The following MAU2 variants were observed in gnomAD, a reference collection of about 807,000 sequenced individuals.
MAU2 encodes MAU2 chromatid cohesion factor homolog.
MAU2 carries 9 observed loss-of-function variants against 89.1 expected under a neutral mutation model. That is an observed-to-expected ratio of 0.10 (90% CI 0.06 to 0.18). The LOEUF is 0.18. MAU2 is among the 10% of genes least tolerant of loss of function. The pLI, the probability that MAU2 is intolerant of heterozygous loss-of-function variation, is 1.00. For synonymous variants in MAU2, 357 were observed against 343.4 expected, an observed-to-expected ratio of 1.04 and a Z score of -0.44; for missense variants, 425 against 803.5, an observed-to-expected ratio of 0.53 and a Z score of 5.69.
In MAU2 at chr19:19,329,926, G is replaced by A. The variant is rs376841447; in HGVS notation, c.277-5792G>A. Reference sequence around the variant, plus strand: ...AGCCATGATTGCACCACTGCATTCCGGCCTGGGTGACAAAAACCCTGTCTT... The same window carrying A: ...AGCCATGATTGCACCACTGCATTCCAGCCTGGGTGACAAAAACCCTGTCTT... On this transcript the variant is annotated intron_variant, in intron 1 of 18. Coordinates refer to ENST00000262815, the MANE Select transcript of MAU2 (RefSeq NM_015329.4). 6.6e-5 allele frequency among the ~76,000 whole-genome samples: 10 copies of A among 151,888 alleles called. No homozygotes were observed. In the East Asian group the frequency reaches 9.7e-4, roughly 15 times the overall value.
At position 19,325,999 on chromosome 19, in the gene MAU2, AT is replaced by A. The variant is rs34191015; in HGVS notation, c.276+4883del. On this transcript the variant is annotated intron_variant, in intron 1 of 18. Coordinates refer to ENST00000262815, the MANE Select transcript of MAU2 (RefSeq NM_015329.4). ...AGTTTCTAATGGTCTCCTCAACTGC[AT>A]TTTTTTTTTTTTTTTTTTGAGACAG... Among the ~76,000 whole-genome samples, 612 of 117,210 alleles carry A rather than the reference AT, an allele frequency of 5.2e-3. 1 individual carries two copies. Among genetic ancestry groups the A allele is most frequent in the African/African-American group, 0.011 (326 of 30,812 alleles). 76.9% of individuals were successfully genotyped at this position (117,210 alleles called of 152,430 possible). A position where few individuals can be genotyped will look rare whatever the true frequency, so the allele number is the denominator to read the frequency against.
At chr19:19,336,262 T>A in intron 3 of MAU2, 75 bp downstream of exon 3, 4 of 1,167,048 alleles carry the variant, frequency 3.4e-6, no homozygotes, top group Non-Finnish European at 1.3e-6. Flanking sequence ...ATTGGTAAAT[T>A]GGGGTTCCGG....
intron 1 of MAU2, among the ~76,000 whole-genome samples, chr19:19,331,514 ATC>A (rs1188244080): frequency 6.6e-6 from 1 of 151,520 alleles, no homozygotes; most frequent in Non-Finnish European, 1.5e-5. Context: ...AAAAAAAAAA[ATC>A]ACGTAGATGA....
chr19:19,322,013 T>TTTTTTTTTTTTC (rs1286757776), intron 1 of MAU2: 40 of 151,894 alleles, frequency 2.6e-4, no homozygotes, highest in African/African-American at 9.4e-4. Context: ...TTTTTTTTTT[T>TTTTTTTTTTTTC]TTGAGACGGA....
chr19:19,331,152 T>G (rs1599895814), intron 1 of MAU2, among the ~76,000 whole-genome samples: 1 of 151,946 alleles, frequency 6.6e-6, no homozygotes, highest in East Asian at 1.9e-4. Flanking sequence ...CTTTGGCTGC[T>G]TTGCTATCAT....
intron 1 of MAU2, among the ~76,000 whole-genome samples, chr19:19,332,893 G>A (rs1599898485): frequency 3.3e-5 from 5 of 152,064 alleles, no homozygotes; most frequent in Admixed American, 2.0e-4. Context: ...CCTGACCAAC[G>A]TAGAGAAACC....
chr19:19,321,246 C>G (rs1379378477), intron 1 of MAU2, 111 bp downstream of exon 1: 5 of 1,269,886 alleles, frequency 3.9e-6, no homozygotes, highest in Non-Finnish European at 5.2e-6. Flanking sequence ...CCTGGGGGCG[C>G]GACCTCCGTC....
chr19:19,331,599 T>C (rs1483045169), intron 1 of MAU2, among the ~76,000 whole-genome samples: 4 of 151,952 alleles, frequency 2.6e-5, no homozygotes, highest in African/African-American at 9.7e-5. Flanking sequence ...TTTCCAAATA[T>C]ATGCTACAAG....
intron 17 of MAU2, 131 bp from the exon 18 acceptor site, chr19:19,355,133 G>A (rs935037313): frequency 8.3e-7 from 1 of 1,205,268 alleles, no homozygotes; most frequent in Admixed American, 2.2e-5. Context: ...CTCAGGTCCA[G>A]TGACGTGCCA....
chr19:19,322,558 C>T (rs1443016316), intron 1 of MAU2, among the ~76,000 whole-genome samples: 8 of 152,144 alleles, frequency 5.3e-5, no homozygotes, highest in African/African-American at 1.7e-4. Context: ...AGTGATCACG[C>T]CACTTCACTC....
chr19:19,342,587 T>A lies in MAU2; in HGVS notation c.788T>A (p.Ile263Asn). ...LKQLQQCIQT[I>N]STLHDDEILP... ...CAGCTGCAGCAGTGCATCCAGACCA[T>A]CTCCACACTGCACGATGATGAGATC... Residue 263 changes from isoleucine to asparagine, a missense_variant, in exon 8 of 19, where the codon ATC becomes AAC. Physicochemically the swap from Ile to Asn is moderately radical, Grantham distance 149. Around this residue, in one of 11 missense-constraint regions of MAU2, gnomAD observed 119 missense variants for 299.8 expected, o/e 0.40. Coordinates refer to ENST00000262815, the MANE Select transcript of MAU2 (RefSeq NM_015329.4). 1 of 1,612,340 alleles carries A rather than the reference T, an allele frequency of 6.2e-7. No homozygotes were observed. The highest frequency in any genetic ancestry group is 8.5e-7 in the Non-Finnish European group (1 of 1,179,124).
chr19:19,345,923 G>T lies in MAU2; in HGVS notation c.1221+554G>T, dbSNP rs182598815. On this transcript the variant is annotated intron_variant, in intron 12 of 18. Transcript: ENST00000262815. This position sits in a 1 kb window ranked among gnomAD's most constrained non-coding sequence, Gnocchi z 4.9. Reference sequence around the variant, plus strand: ...CGCCCCAGCCCAGGGCTGGACCATTGTGTCCCCACCTCAGCCTCAACCTCC... The same window carrying T: ...CGCCCCAGCCCAGGGCTGGACCATTTTGTCCCCACCTCAGCCTCAACCTCC... 6.6e-6 allele frequency among the ~76,000 whole-genome samples: 1 copy of T among 152,314 alleles called. No homozygotes were observed. The highest frequency in any genetic ancestry group is 1.9e-4 in the East Asian group (1 of 5,180).
chr19:19,356,876 G>A lies in MAU2; in HGVS notation c.*1094G>A, dbSNP rs1392692163. Reference sequence around the variant, plus strand: ...TCTTGGATAATCAGGAGGTGCCCCAGTGGTCACAGTGTGGCATTCCGAGTT... The same window carrying A: ...TCTTGGATAATCAGGAGGTGCCCCAATGGTCACAGTGTGGCATTCCGAGTT... On this transcript the variant is annotated 3_prime_UTR_variant, in exon 19 of 19. Transcript: ENST00000262815. 1.3e-5 allele frequency: 2 copies of A among 152,292 alleles called. No individual in the cohort carries two copies. The highest frequency in any genetic ancestry group is 2.9e-5 in the Non-Finnish European group (2 of 68,102). 9.4% of individuals were successfully genotyped at this position (152,292 alleles called of 1,614,324 possible).
At chr19:19,342,100 G>A (rs1458758696) in intron 7 of MAU2, among the ~76,000 whole-genome samples, 3 of 152,184 alleles carry the variant, frequency 2.0e-5, no homozygotes, top group Non-Finnish European at 2.9e-5. Context: ...CCCTCAGGGT[G>A]CAAGGGCTGC....
At chr19:19,347,193 C>T in intron 12 of MAU2, 87 bp from the exon 13 acceptor site, 1 of 805,368 alleles carries the variant, frequency 1.2e-6, no homozygotes, top group East Asian at 2.4e-5. Context: ...CCAAAGTAGT[C>T]TCCGTGGAGA....
chr19:19,334,388 G>A, intron 1 of MAU2: 1 of 985,756 alleles, frequency 1.0e-6, no homozygotes. Context: ...TGTCCTCCTG[G>A]CCCCCTGTGT....
Position 19,349,318 on chromosome 19 carries a change from T to C in MAU2, c.1437-7T>C. ...GCAGTTATCAGCGTCCATGTTCTCC[T>C]TGTCAGGCGATTTCTGCGGGAAACT... On this transcript the variant is annotated splice_region_variant and splice_polypyrimidine_tract_variant and intron_variant, in intron 15 of 18. Transcript: ENST00000262815. 6.2e-6 allele frequency: 10 copies of C among 1,614,084 alleles called. No homozygotes were observed. The highest frequency in any genetic ancestry group is 1.1e-5 in the South Asian group (1 of 91,082).
At position 19,320,883 on chromosome 19, in the gene MAU2, G is replaced by T. The variant is rs943101230; in HGVS notation, c.24G>T (p.Ala8=). 8.8e-6 allele frequency: 13 copies of T among 1,476,536 alleles called. No individual in the cohort carries two copies. In the African/African-American group the frequency reaches 1.4e-4, roughly 16 times the overall value. 91.5% of individuals were successfully genotyped at this position (1,476,536 alleles called of 1,614,324 possible). Residue 8 remains alanine (A), a synonymous_variant, in exon 1 of 19, where the codon GCG becomes GCT. Transcript: ENST00000262815. MAAQAAA[A]AQAAAAQAAQ... ...AAATGGCGGCTCAGGCGGCGGCAGCGGCCCAGGCGGCGGCGGCCCAGGCTG... is the reference window on the plus strand; with the variant it reads ...AAATGGCGGCTCAGGCGGCGGCAGCTGCCCAGGCGGCGGCGGCCCAGGCTG...
At chr19:19,330,344 C>T (rs926143634) in intron 1 of MAU2, among the ~76,000 whole-genome samples, 11 of 152,024 alleles carry the variant, frequency 7.2e-5, no homozygotes, top group East Asian at 2.0e-4. Context: ...CCTGTAATCC[C>T]GGCACTTTGG....
Sources: allele counts gnomAD v4.1 joint callset (sites outside exome capture counted in the v4.1 genomes callset), GRCh38; gene constraint gnomAD v4.1.1; regional missense constraint gnomAD v4.1.1; non-coding constraint Gnocchi (gnomAD v3.1); transcripts MANE v1.5; gene names NCBI Gene and HGNC (gene_info 2026-07-23, HGNC 2026-07-21).